CNTN1: variants seen among roughly 807,000 people sequenced by gnomAD.
The protein encoded by CNTN1 is contactin 1.
CNTN1 carries 38 observed loss-of-function variants against 126.4 expected under a neutral mutation model. The ratio of observed to expected loss-of-function variants is 0.30; its 90% CI spans 0.23 to 0.39. The LOEUF (loss-of-function observed/expected upper bound fraction) is 0.39, where lower values mean the gene tolerates loss of function less well. CNTN1 is among the 10% of genes least tolerant of loss of function. CNTN1 has a pLI of 1.00. For synonymous variants in CNTN1, 413 were observed against 422.6 expected (o/e 0.98, Z 0.28); for missense variants, 1,009 against 1,248.4 (o/e 0.81, Z 2.89).
intron 1 of CNTN1, among the ~76,000 whole-genome samples, chr12:40,710,806 A>G (rs372860962): frequency 3.9e-5 from 6 of 152,266 alleles, no homozygotes; most frequent in African/African-American, 1.2e-4. Flanking sequence ...CTGCAAAACC[A>G]AGGAATTTCT....
At position 40,992,527 on chromosome 12, in the gene CNTN1, A is replaced by T. The variant is rs187875426; in HGVS notation, c.1964-593A>T. On this transcript the variant is annotated intron_variant, in intron 16 of 23. Transcript: ENST00000551295. ...TAAGATCACATTCCACCCATAATTT[A>T]TCATCTAATCTATATTAGTATCTAG... 1.5e-3 allele frequency among the ~76,000 whole-genome samples: 231 copies of T among 152,222 alleles called. 1 individual carries two copies. The highest frequency in any genetic ancestry group is 2.9e-3 in the Non-Finnish European group (196 of 68,024).
chr12:40,712,779 C>A (rs534313277), intron 1 of CNTN1, among the ~76,000 whole-genome samples: 2 of 152,158 alleles, frequency 1.3e-5, no homozygotes, highest in African/African-American at 4.8e-5. Context: ...ATTTCAGGAA[C>A]CATTGTAATA....
chr12:40,830,197 C>T (rs10735960), intron 1 of CNTN1, among the ~76,000 whole-genome samples: 63,723 of 151,882 alleles, frequency 0.42, 13,676 homozygotes, highest in East Asian at 0.68. Context: ...TTCCAGATCA[C>T]GTAAGGAAAA....
intron 1 of CNTN1, among the ~76,000 whole-genome samples, chr12:40,769,234 A>C (rs1244214041): frequency 6.6e-6 from 1 of 151,926 alleles, no homozygotes; most frequent in Non-Finnish European, 1.5e-5. Flanking sequence ...AATTCTATGA[A>C]GATGAATTTT....
chr12:40,896,687 G>A (rs1409254821), intron 1 of CNTN1, among the ~76,000 whole-genome samples: 1 of 152,126 alleles, frequency 6.6e-6, no homozygotes, highest in Non-Finnish European at 1.5e-5. Context: ...CTTTTAAGTT[G>A]TCCTCAAATA....
At chr12:40,778,987 A>G (rs116157633) in intron 1 of CNTN1, among the ~76,000 whole-genome samples, 1 of 151,296 alleles carries the variant, frequency 6.6e-6, no homozygotes, top group African/African-American at 2.4e-5. Flanking sequence ...ATATGGAAAA[A>G]TGACTAAAAA....
intron 1 of CNTN1, among the ~76,000 whole-genome samples, chr12:40,720,538 A>G (rs1565644556): frequency 6.6e-6 from 1 of 152,180 alleles, no homozygotes; most frequent in Non-Finnish European, 1.5e-5. Context: ...AGTGAATTGT[A>G]TTTGAAATGC....
chr12:40,792,949 G>GT (rs1470831228), intron 1 of CNTN1, among the ~76,000 whole-genome samples: 2 of 152,062 alleles, frequency 1.3e-5, no homozygotes, highest in African/African-American at 2.4e-5. Flanking sequence ...GCTTCCCTTT[G>GT]TGGGGGGAGA....
At chr12:40,908,244 A>T (rs1944904057) in intron 1 of CNTN1, 113 bp from the exon 2 acceptor site, 2 of 577,158 alleles carry the variant, frequency 3.5e-6, no homozygotes, top group Non-Finnish European at 6.1e-6. Context: ...TCCTCAAATG[A>T]TGAACATTTC....
At chr12:40,805,148 G>T (rs1940800061) in intron 1 of CNTN1, among the ~76,000 whole-genome samples, 1 of 151,878 alleles carries the variant, frequency 6.6e-6, no homozygotes, top group Non-Finnish European at 1.5e-5. Context: ...GTTTATTCTG[G>T]TATTTATAAT....
chr12:41,044,948 C>G (rs1229518888), intron 23 of CNTN1, among the ~76,000 whole-genome samples: 1 of 151,852 alleles, frequency 6.6e-6, no homozygotes, highest in Non-Finnish European at 1.5e-5. Context: ...AAAGTTTCAA[C>G]CAATTTATGA....
At chr12:40,883,599 G>A (rs1342391410) in intron 1 of CNTN1, among the ~76,000 whole-genome samples, 2 of 151,518 alleles carry the variant, frequency 1.3e-5, no homozygotes, top group Non-Finnish European at 3.0e-5. Flanking sequence ...TTTAAAGAAT[G>A]TTGCTAGGAA....
chr12:40,719,340 T>C (rs943911570), intron 1 of CNTN1, among the ~76,000 whole-genome samples: 1 of 152,202 alleles, frequency 6.6e-6, no homozygotes. Flanking sequence ...GAGTATGGTA[T>C]TTATGGAGGC....
At chr12:40,834,021 AT>A (rs1941954756) in intron 1 of CNTN1, among the ~76,000 whole-genome samples, 2 of 152,236 alleles carry the variant, frequency 1.3e-5, no homozygotes, top group African/African-American at 4.8e-5. Flanking sequence ...ACAAAATTGA[AT>A]TGAATTGCAC....
intron 15 of CNTN1, among the ~76,000 whole-genome samples, chr12:40,963,775 T>A (rs1947194339): frequency 6.6e-6 from 1 of 152,092 alleles, no homozygotes; most frequent in African/African-American, 2.4e-5. Context: ...AAAGTATATT[T>A]CGGGTTGCCT....
chr12:41,072,308 A>AT lies in CNTN1; in HGVS notation c.*2279dup, dbSNP rs1950171832. ...TAAATATTGAATTGATTTTTTAGTT[A>AT]TTTTTTATCATTTTTTCAATGGAGT... On this transcript the variant is annotated 3_prime_UTR_variant, in exon 24 of 24. Coordinates refer to ENST00000551295, the MANE Select transcript of CNTN1 (RefSeq NM_001843.4). 1 of 152,212 alleles carries AT rather than the reference A, an allele frequency of 6.6e-6. No homozygotes were observed. The allele number at this position is 152,212 out of a possible 1,614,324, so 9.4% of individuals were successfully genotyped here. A position where few individuals can be genotyped will look rare whatever the true frequency, so the allele number is the denominator to read the frequency against.
chr12:41,067,259 G>A (rs77441611), intron 23 of CNTN1, among the ~76,000 whole-genome samples: 78 of 152,234 alleles, frequency 5.1e-4, no homozygotes, highest in Non-Finnish European at 9.6e-4. Flanking sequence ...ATATCCTGAT[G>A]TCAAAGCCAC....
chr12:41,025,184 C>G lies in CNTN1; in HGVS notation c.2558C>G (p.Ala853Gly). Residue 853 changes from alanine (A) to glycine (G), a missense_variant, in exon 21 of 24, where the codon GCT becomes GGT. Physicochemically the swap from Ala to Gly is moderately conservative, Grantham distance 60. Transcript: ENST00000551295. ...RYWAAHDKEE[A>G]ANRVQVTSQE... is the part of the protein sequence containing the mutation. ...TGGGCTGCCCATGACAAAGAAGAAG[C>G]TGCAAACAGAGTTCAAGTCACCAGC... 1 of 1,613,906 alleles carries G rather than the reference C, an allele frequency of 6.2e-7. No homozygotes were observed. Among genetic ancestry groups the G allele is most frequent in the Middle Eastern group, 1.7e-4 (1 of 6,058 alleles).
intron 1 of CNTN1, among the ~76,000 whole-genome samples, chr12:40,869,666 C>T (rs1448797282): frequency 6.6e-6 from 1 of 152,066 alleles, no homozygotes; most frequent in Non-Finnish European, 1.5e-5. Flanking sequence ...TCTTGATAAA[C>T]AATGCTTGTT....
Sources: allele counts gnomAD v4.1 joint callset (sites outside exome capture counted in the v4.1 genomes callset), GRCh38; gene constraint gnomAD v4.1.1; transcripts MANE v1.5; gene names NCBI Gene and HGNC (gene_info 2026-07-23, HGNC 2026-07-21).